The following PIAS2 variants were observed in gnomAD, a reference collection of about 807,000 sequenced individuals.
PIAS2 encodes the protein protein inhibitor of activated STAT 2, also known as E3 SUMO-protein ligase PIAS2.
PIAS2 carries 19 observed loss-of-function variants against 69.7 expected under a neutral mutation model. That is an observed-to-expected ratio of 0.27 (90% CI 0.19 to 0.40). The LOEUF (loss-of-function observed/expected upper bound fraction) is 0.40. PIAS2 is among the 10% of genes least tolerant of loss of function. The pLI is 1.00. For synonymous variants in PIAS2, 261 were observed against 263.2 expected (o/e 0.99, Z 0.08); for missense variants, 624 against 757.0 (o/e 0.82, Z 2.06).
At chr18:46,919,043 TACACAACACAC>T (rs1568961965), upstream of PIAS2, among the ~76,000 whole-genome samples, 2 of 151,276 alleles carry the variant, frequency 1.3e-5, no homozygotes, top group Non-Finnish European at 2.9e-5. Flanking sequence ...TGTGTATATA[TACACAACACAC>T]ACACATATTG....
intron 2 of PIAS2, among the ~76,000 whole-genome samples, chr18:46,883,544 A>T (rs1009417897): frequency 3.3e-5 from 5 of 151,964 alleles, no homozygotes; most frequent in Admixed American, 2.6e-4. Context: ...CTCCACAAAT[A>T]AAAAAAATCA....
At chr18:46,919,951 G>A, upstream of PIAS2, 3 of 665,546 alleles carry the variant, frequency 4.5e-6, 1 homozygote, top group South Asian at 3.0e-5. Context: ...GGGAATAGAC[G>A]AATAGAGTAC....
upstream of PIAS2, chr18:46,920,096 C>A (rs749424338): frequency 5.2e-5 from 67 of 1,289,684 alleles, no homozygotes; most frequent in African/African-American, 9.4e-4. Flanking sequence ...AGCATTCATT[C>A]TGCCCCTTCC....
intron 1 of PIAS2, chr18:46,908,108 T>C (rs1395413275): frequency 6.6e-6 from 1 of 152,146 alleles, no homozygotes; most frequent in African/African-American, 2.4e-5. Context: ...ATGTGTATGC[T>C]ATATATCAAA....
At chr18:46,832,892 C>CAAA (rs34958166) in intron 9 of PIAS2, among the ~76,000 whole-genome samples, 17 of 105,972 alleles carry the variant, frequency 1.6e-4, no homozygotes, top group Middle Eastern at 4.6e-3. Flanking sequence ...CCTCTGTCTC[C>CAAA]AAAAAAAAAA....
At chr18:46,899,529 G>A (rs889730208) in intron 1 of PIAS2, among the ~76,000 whole-genome samples, 4 of 152,208 alleles carry the variant, frequency 2.6e-5, no homozygotes, top group Non-Finnish European at 5.9e-5. Flanking sequence ...GTGCAGTGGT[G>A]CAAACACTGC....
At chr18:46,862,686 C>T (rs1023085843) in intron 3 of PIAS2, among the ~76,000 whole-genome samples, 1 of 150,742 alleles carries the variant, frequency 6.6e-6, no homozygotes, top group Non-Finnish European at 1.5e-5. Context: ...TATATACACA[C>T]ACACATATAT....
chr18:46,876,160 A>G (rs1356350266), intron 2 of PIAS2, among the ~76,000 whole-genome samples: 1 of 152,216 alleles, frequency 6.6e-6, no homozygotes, highest in Non-Finnish European at 1.5e-5. Flanking sequence ...CTAGAGCAGC[A>G]CTTGTGCTCT....
chr18:46,859,735 T>G (rs1157814782), intron 3 of PIAS2, among the ~76,000 whole-genome samples: 1 of 152,220 alleles, frequency 6.6e-6, no homozygotes, highest in African/African-American at 2.4e-5. Context: ...AGCTCAATTT[T>G]AGATGTGTTG....
intron 2 of PIAS2, among the ~76,000 whole-genome samples, chr18:46,867,142 A>C (rs968580673): frequency 6.6e-6 from 1 of 152,080 alleles, no homozygotes; most frequent in African/African-American, 2.4e-5. Flanking sequence ...AGTCTGTGTC[A>C]TAACAGACAT....
chr18:46,911,200 A>G (rs2146298087), intron 1 of PIAS2, among the ~76,000 whole-genome samples: 1 of 150,618 alleles, frequency 6.6e-6, no homozygotes, highest in South Asian at 2.1e-4. Flanking sequence ...TTCAACCAGG[A>G]CTTTGTTATA....
rs1568306127 is a variant in PIAS2, at chr18:46,804,503, T to A, written c.*7930A>T. On this transcript the variant is annotated 3_prime_UTR_variant, in exon 14 of 14. Transcript: ENST00000585916. Reference sequence around the variant, plus strand: ...AACAAATTCTCATTACTACTAATGATCATGAAAACTCTTCAATGTCTCATC... The same window carrying A: ...AACAAATTCTCATTACTACTAATGAACATGAAAACTCTTCAATGTCTCATC... 6.6e-6 allele frequency: 1 copy of A among 152,190 alleles called. No homozygotes were observed. Among genetic ancestry groups the A allele is most frequent in the South Asian group, 2.1e-4 (1 of 4,832 alleles). 9.4% of individuals were successfully genotyped at this position (152,190 alleles called of 1,614,324 possible). A position where few individuals can be genotyped will look rare whatever the true frequency, so the allele number is the denominator to read the frequency against.
At chr18:46,861,106 C>T (rs1045718564) in intron 3 of PIAS2, among the ~76,000 whole-genome samples, 2 of 152,002 alleles carry the variant, frequency 1.3e-5, no homozygotes, top group African/African-American at 4.8e-5. Context: ...ATGGTGAAAC[C>T]CTTTCTCTAC....
At chr18:46,897,825 A>C (rs1189332285) in intron 1 of PIAS2, among the ~76,000 whole-genome samples, 2 of 152,130 alleles carry the variant, frequency 1.3e-5, no homozygotes, top group East Asian at 3.9e-4. Flanking sequence ...ATGTTCTGTC[A>C]TTTGACAGTA....
intron 2 of PIAS2, among the ~76,000 whole-genome samples, chr18:46,871,071 C>G (rs986532669): frequency 6.6e-6 from 1 of 152,150 alleles, no homozygotes; most frequent in Non-Finnish European, 1.5e-5. Context: ...CAGGCCTAGA[C>G]TTAGAAGACC....
intron 3 of PIAS2, 97 bp downstream of exon 3, chr18:46,864,067 T>C: frequency 1.5e-6 from 1 of 647,066 alleles, no homozygotes; most frequent in South Asian, 2.5e-5. Flanking sequence ...CAAAAGTCTG[T>C]TGTTTACACT....
chr18:46,824,097 C>T (rs928574726), intron 11 of PIAS2, among the ~76,000 whole-genome samples: 1 of 152,146 alleles, frequency 6.6e-6, no homozygotes, highest in Non-Finnish European at 1.5e-5. Context: ...ATATTTTAAA[C>T]GTTTGTAACT....
intron 1 of PIAS2, among the ~76,000 whole-genome samples, chr18:46,909,269 T>A (rs1481986160): frequency 6.6e-6 from 1 of 152,146 alleles, no homozygotes; most frequent in African/African-American, 2.4e-5. Flanking sequence ...GTAAAAACTT[T>A]TTTTTTTGAA....
chr18:46,866,197 G>A (rs2049424659), intron 2 of PIAS2, among the ~76,000 whole-genome samples: 1 of 151,944 alleles, frequency 6.6e-6, no homozygotes, highest in African/African-American at 2.4e-5. Flanking sequence ...TTTGATGGAG[G>A]GGAAAAAAGG....
Sources: gnomAD v4.1 joint callset for allele counts (sites outside exome capture counted in the v4.1 genomes callset) on GRCh38, gnomAD v4.1.1 for gene constraint, MANE v1.5 for transcripts, NCBI Gene and HGNC (gene_info 2026-07-23, HGNC 2026-07-21) for gene names.